The following CXCL13 variants were observed in gnomAD, a reference collection of about 807,000 sequenced individuals.
The protein encoded by CXCL13 is C-X-C motif chemokine 13.
In CXCL13, 7 loss-of-function variants were observed where a neutral mutation model predicts 12.2. The observed-to-expected ratio is 0.57, with a 90% CI of 0.33 to 1.07. CXCL13 has a LOEUF of 1.07. Ranked by LOEUF, CXCL13 falls within the 50% of genes least tolerant of loss-of-function variation. The pLI, the probability that CXCL13 is intolerant of heterozygous loss-of-function variation, is 0.04. For missense variants in CXCL13, 113 were observed against 127.4 expected (o/e 0.89, Z 0.55); for synonymous variants, 47 against 42.4 (o/e 1.11, Z -0.42).
chr4:77,569,691 T>C (rs1473426085), intron 1 of CXCL13, among the ~76,000 whole-genome samples: 1 of 152,174 alleles, frequency 6.6e-6, no homozygotes, highest in East Asian at 1.9e-4. Flanking sequence ...GTTAAAATGG[T>C]CATACTGCCC....
chr4:77,515,052 A>C (rs1724380431), intron 1 of CXCL13, among the ~76,000 whole-genome samples: 1 of 152,152 alleles, frequency 6.6e-6, no homozygotes, highest in South Asian at 2.1e-4. Flanking sequence ...AGCACCATTT[A>C]TTAAATAGGG....
chr4:77,542,237 G>T (rs1403476205), intron 1 of CXCL13, among the ~76,000 whole-genome samples: 1 of 151,946 alleles, frequency 6.6e-6, no homozygotes, highest in Non-Finnish European at 1.5e-5. Context: ...TTAGACTTTT[G>T]GAACTATGTT....
At chr4:77,513,313 G>T (rs1173315506) in intron 1 of CXCL13, among the ~76,000 whole-genome samples, 1 of 152,062 alleles carries the variant, frequency 6.6e-6, no homozygotes, top group African/African-American at 2.4e-5. Flanking sequence ...GGGATCGCTG[G>T]GTCTAATGGT....
chr4:77,516,725 G>T (rs1724430262), intron 1 of CXCL13, among the ~76,000 whole-genome samples: 1 of 151,846 alleles, frequency 6.6e-6, no homozygotes, highest in African/African-American at 2.4e-5. Context: ...CTAGCTAGTG[G>T]TCTATCAATT....
chr4:77,566,896 T>G (rs994299570), intron 1 of CXCL13, among the ~76,000 whole-genome samples: 1 of 152,232 alleles, frequency 6.6e-6, no homozygotes, highest in Non-Finnish European at 1.5e-5. Context: ...GTCGGGCCTC[T>G]GAGCCCAAGC....
intron 1 of CXCL13, among the ~76,000 whole-genome samples, chr4:77,528,167 T>C (rs927436917): frequency 4.6e-5 from 7 of 152,220 alleles, no homozygotes; most frequent in African/African-American, 1.7e-4. Flanking sequence ...ATTTTCTTAA[T>C]CCAGTCTATC....
At chr4:77,562,710 C>T (rs141942858) in intron 1 of CXCL13, among the ~76,000 whole-genome samples, 1 of 137,832 alleles carries the variant, frequency 7.3e-6, no homozygotes, top group African/African-American at 3.5e-5. Context: ...CAATCAGCAC[C>T]CTGTGTCTAG....
chr4:77,554,571 G>A (rs1430009459), intron 1 of CXCL13, among the ~76,000 whole-genome samples: 2 of 152,136 alleles, frequency 1.3e-5, no homozygotes, highest in Non-Finnish European at 2.9e-5. Context: ...GAATGGAATA[G>A]CAGTATCAAC....
chr4:77,603,282 A>G (rs1245997809), upstream of CXCL13, among the ~76,000 whole-genome samples: 5 of 152,252 alleles, frequency 3.3e-5, no homozygotes, highest in Non-Finnish European at 5.9e-5. Context: ...GAAATTGACC[A>G]TTCAAAAACA....
chr4:77,611,071 C>T lies in CXCL13; in HGVS notation c.*32C>T. The T allele has an allele frequency of 1.3e-6, 2 of 1,551,858 alleles. No individual in the cohort carries two copies. The highest frequency in any genetic ancestry group is 8.9e-7 in the Non-Finnish European group (1 of 1,129,676). ...TATTTCCACTAAGAACACCTGCATT[C>T]TTCCCTTATCCCTGCTCTGGATTTT... On this transcript the variant is annotated 3_prime_UTR_variant, in exon 4 of 4. Coordinates refer to ENST00000682537, the MANE Select transcript of CXCL13 (RefSeq NM_001371558.1).
rs891683321 is a variant in CXCL13, at chr4:77,518,566, C to A, written c.-43+6778C>A. ...CATTTCATCTTCCATTGCTGATACC[C>A]TTTCTTCCAGTTGATCGCATCAGCT... On this transcript the variant is annotated intron_variant, in intron 1 of 4. Transcript: ENST00000286758. Among the ~76,000 whole-genome samples the A allele has an allele frequency of 4.6e-5, 7 of 152,172 alleles. No individual in the cohort carries two copies. In the East Asian group the frequency reaches 1.3e-3, roughly 29 times the overall value.
intron 1 of CXCL13, among the ~76,000 whole-genome samples, chr4:77,534,768 A>C (rs941078289): frequency 5.9e-5 from 9 of 152,216 alleles, no homozygotes; most frequent in Non-Finnish European, 1.3e-4. Flanking sequence ...TCCTGCCTTC[A>C]CACCTGCAAA....
In CXCL13 at chr4:77,568,026, T is replaced by C. The variant is rs1578057671; in HGVS notation, c.-42-37798T>C. 2.0e-5 allele frequency among the ~76,000 whole-genome samples: 3 copies of C among 152,332 alleles called. No individual in the cohort carries two copies. In the South Asian group the frequency reaches 6.2e-4, roughly 32 times the overall value. ...CACTTGCCCTTGGCTCTTGAATTCC[T>C]TCCTTCATGAAGCCAATAACCCCAA... On this transcript the variant is annotated intron_variant, in intron 1 of 4. Transcript: ENST00000286758.
chr4:77,537,204 A>T (rs1051854808), intron 1 of CXCL13, among the ~76,000 whole-genome samples: 1 of 152,260 alleles, frequency 6.6e-6, no homozygotes, highest in Non-Finnish European at 1.5e-5. Context: ...ACTGGCAGCT[A>T]TAAGAGTACT....
intron 1 of CXCL13, among the ~76,000 whole-genome samples, chr4:77,564,749 G>A (rs1022263138): frequency 6.6e-6 from 1 of 152,138 alleles, no homozygotes; most frequent in African/African-American, 2.4e-5. Flanking sequence ...ATGACATATA[G>A]CTCCCCTACC....
intron 1 of CXCL13, among the ~76,000 whole-genome samples, chr4:77,520,385 T>C (rs1174246373): frequency 6.6e-6 from 1 of 152,216 alleles, no homozygotes; most frequent in Non-Finnish European, 1.5e-5. Flanking sequence ...TCCTCTTTTA[T>C]TTCCTTGAGC....
At chr4:77,543,095 T>C (rs577182066) in intron 1 of CXCL13, among the ~76,000 whole-genome samples, 3 of 152,122 alleles carry the variant, frequency 2.0e-5, no homozygotes, top group African/African-American at 2.4e-5. Context: ...TCTTGGGAGA[T>C]TGTGTGTTTC....
At chr4:77,515,384 A>G (rs1724389218) in intron 1 of CXCL13, among the ~76,000 whole-genome samples, 1 of 152,160 alleles carries the variant, frequency 6.6e-6, no homozygotes, top group Non-Finnish European at 1.5e-5. Context: ...TTGAATCTAT[A>G]AATTACCTTG....
intron 1 of CXCL13, among the ~76,000 whole-genome samples, chr4:77,596,803 A>G (rs908533293): frequency 1.3e-5 from 2 of 150,854 alleles, no homozygotes; most frequent in African/African-American, 4.9e-5. Flanking sequence ...AAAAAAAAAA[A>G]GAAAAGAAAA....
Sources: allele counts gnomAD v4.1 joint callset (sites outside exome capture counted in the v4.1 genomes callset), GRCh38; gene constraint gnomAD v4.1.1; transcripts MANE v1.5; gene names NCBI Gene and HGNC (gene_info 2026-07-23, HGNC 2026-07-21).